The following PDCD10 variants were observed in gnomAD, a reference collection of about 807,000 sequenced individuals.
PDCD10 encodes programmed cell death protein 10.
In PDCD10, 4 loss-of-function variants were observed where a neutral mutation model predicts 29.2. That is an observed-to-expected ratio of 0.14 (90% CI 0.07 to 0.31). The LOEUF is 0.31. Among genes scored for constraint, PDCD10 ranks in the 10% least tolerant of loss-of-function variants. The pLI is 1.00. For synonymous variants in PDCD10, 70 were observed against 82.2 expected (o/e 0.85, Z 0.80); for missense variants, 183 against 257.9 (o/e 0.71, Z 1.99).
Position 167,720,233 on chromosome 3 carries a change from T to C in PDCD10, c.-76A>G. On this transcript the variant is annotated 5_prime_UTR_variant, in exon 3 of 9. Transcript: ENST00000392750. ...TCATTCACTGCAATATTTCTTCTCT[T>C]TTTTGGTGATAAAAGAATTGGACAC... 2 of 964,236 alleles carry C rather than the reference T, an allele frequency of 2.1e-6. No homozygotes were observed. The highest frequency in any genetic ancestry group is 3.4e-6 in the Non-Finnish European group (2 of 596,316). The allele number at this position is 964,236 out of a possible 1,614,324, so 59.7% of individuals were successfully genotyped here. A position where few individuals can be genotyped will look rare whatever the true frequency, so the allele number is the denominator to read the frequency against.
chr3:167,704,960 T>A (rs1271319754), intron 3 of PDCD10, 65 bp from the exon 4 acceptor site: 2 of 954,514 alleles, frequency 2.1e-6, no homozygotes, highest in East Asian at 2.6e-5. Flanking sequence ...TTTCTGAGAT[T>A]CCATTCTGTA....
chr3:167,706,466 C>A (rs141843897), intron 3 of PDCD10, among the ~76,000 whole-genome samples: 1 of 152,308 alleles, frequency 6.6e-6, no homozygotes, highest in East Asian at 1.9e-4. Flanking sequence ...TATGATACAG[C>A]CTACTGTGTC....
chr3:167,702,940 G>T, intron 4 of PDCD10, among the ~76,000 whole-genome samples: 1 of 152,072 alleles, frequency 6.6e-6, no homozygotes, highest in East Asian at 1.9e-4. Flanking sequence ...TTTATCCATG[G>T]ATCAAACCAC....
intron 4 of PDCD10, 147 bp downstream of exon 4, chr3:167,704,694 GT>G: frequency 1.6e-6 from 1 of 623,926 alleles, no homozygotes; most frequent in Admixed American, 2.5e-5. Flanking sequence ...TTTTGGAAGT[GT>G]TTTAAGCTTT....
chr3:167,697,063 C>G lies in PDCD10; in HGVS notation c.214G>C (p.Val72Leu), dbSNP rs562763010. 1,180 of 1,611,874 alleles carry G rather than the reference C, an allele frequency of 7.3e-4. 17 individuals are homozygous for G. The South Asian group carries it at 0.012, about 17-fold the overall frequency. ...IIMKILEKKS[V>L]EVNFTESLLR... ...AGGGACTCCGTGAAGTTAACTTCCA[C>G]GCTTTTTTTCTCTAAAATTTTCATA... The change falls in exon 5 of 9, where the codon GTG becomes CTG. Residue 72 changes from valine (V) to leucine (L), a missense_variant. Transcript: ENST00000392750.
chr3:167,722,105 T>C (rs1371608520), intron 2 of PDCD10, among the ~76,000 whole-genome samples: 1 of 152,018 alleles, frequency 6.6e-6, no homozygotes, highest in East Asian at 1.9e-4. Flanking sequence ...AAGGCAGTGG[T>C]ATCAGTTAAA....
chr3:167,684,322 T>C lies in PDCD10; in HGVS notation c.625A>G (p.Lys209Glu). ...HQTNLILQTFKTVA is the reference protein window; with the variant it reads ...HQTNLILQTFETVA ...ATATACAACTTTCAGGCCACAGTTT[T>C]GAAGGTCTGAAGTATTAAGTTGGTT... is the stretch of plus-strand genomic sequence containing the variant. The change falls in exon 9 of 9, where the codon AAA (lysine) becomes GAA (glutamate). Residue 209 changes from lysine to glutamate, a missense_variant. Physicochemically the swap from Lys to Glu is moderately conservative, Grantham distance 56. Coordinates refer to ENST00000392750, the MANE Select transcript of PDCD10 (RefSeq NM_007217.4). The C allele has an allele frequency of 6.3e-7, 1 of 1,590,836 alleles. No homozygotes were observed. The highest frequency in any genetic ancestry group is 1.7e-5 in the Admixed American group (1 of 59,976).
At chr3:167,729,842 T>C (rs1225992860) in intron 2 of PDCD10, among the ~76,000 whole-genome samples, 2 of 152,182 alleles carry the variant, frequency 1.3e-5, no homozygotes, top group Non-Finnish European at 2.9e-5. Context: ...TGTTAGTGAC[T>C]ACCACTTAAC....
chr3:167,702,298 A>C (rs1296754188), intron 4 of PDCD10, among the ~76,000 whole-genome samples: 1 of 152,206 alleles, frequency 6.6e-6, no homozygotes, highest in African/African-American at 2.4e-5. Flanking sequence ...ATTCAATGTG[A>C]AAACGACAAG....
chr3:167,703,480 G>A (rs532396248), intron 4 of PDCD10, among the ~76,000 whole-genome samples: 1 of 152,110 alleles, frequency 6.6e-6, no homozygotes, highest in East Asian at 1.9e-4. Flanking sequence ...CCAGAAAAGA[G>A]TGTTATCAAT....
intron 6 of PDCD10, among the ~76,000 whole-genome samples, chr3:167,695,049 A>T (rs1441378171): frequency 1.3e-5 from 2 of 152,172 alleles, no homozygotes; most frequent in Non-Finnish European, 2.9e-5. Flanking sequence ...TGTACTCCAG[A>T]AGAGTGTCCC....
chr3:167,724,783 A>C (rs1050858822), intron 2 of PDCD10, among the ~76,000 whole-genome samples: 9 of 152,224 alleles, frequency 5.9e-5, no homozygotes, highest in African/African-American at 2.2e-4. Context: ...TATTGTTATC[A>C]GCTATACTTT....
At chr3:167,685,396 C>CAAA (rs1184281849) in intron 8 of PDCD10, among the ~76,000 whole-genome samples, 79 of 55,882 alleles carry the variant, frequency 1.4e-3, no homozygotes, top group East Asian at 7.5e-3. Flanking sequence ...ACTCTGTCTC[C>CAAA]AAAAAAAAAA....
chr3:167,727,779 T>C (rs1209520845), intron 2 of PDCD10, among the ~76,000 whole-genome samples: 2 of 152,228 alleles, frequency 1.3e-5, no homozygotes, highest in African/African-American at 4.8e-5. Context: ...TTTAACTTAA[T>C]GACTCCTAAT....
intron 4 of PDCD10, chr3:167,704,569 AC>A: frequency 7.1e-6 from 2 of 280,946 alleles, no homozygotes; most frequent in Non-Finnish European, 6.7e-6. Context: ...AAAAAAAAAA[AC>A]CCTCAAAAAT....
At chr3:167,694,385 T>C in intron 6 of PDCD10, 1 of 182,244 alleles carries the variant, frequency 5.5e-6, no homozygotes. Context: ...CTTCAGAGGC[T>C]GGACTCTCTT....
chr3:167,687,919 G>A (rs1033241006), intron 6 of PDCD10, among the ~76,000 whole-genome samples: 11 of 152,160 alleles, frequency 7.2e-5, no homozygotes, highest in Non-Finnish European at 2.9e-5. Context: ...CTCTTGCACT[G>A]CTGACCAAAG....
chr3:167,727,887 G>A (rs1055078406), intron 2 of PDCD10, among the ~76,000 whole-genome samples: 5 of 152,218 alleles, frequency 3.3e-5, no homozygotes, highest in African/African-American at 1.2e-4. Flanking sequence ...AATGTTGACA[G>A]AAACTATTAG....
At chr3:167,722,322 C>A (rs879408112) in intron 2 of PDCD10, among the ~76,000 whole-genome samples, 1 of 152,054 alleles carries the variant, frequency 6.6e-6, no homozygotes, top group Non-Finnish European at 1.5e-5. Context: ...GTGAACAAGA[C>A]AAGACAGTCT....
Sources: allele counts gnomAD v4.1 joint callset (sites outside exome capture counted in the v4.1 genomes callset), GRCh38; gene constraint gnomAD v4.1.1; transcripts MANE v1.5; gene names NCBI Gene and HGNC (gene_info 2026-07-23, HGNC 2026-07-21).